The following CDK14 variants were observed in gnomAD, a reference collection of about 807,000 sequenced individuals.
CDK14 encodes the protein cyclin dependent kinase 14, also known as cyclin-dependent kinase 14.
CDK14 carries 34 observed loss-of-function variants against 60.7 expected under a neutral mutation model. The ratio of observed to expected loss-of-function variants is 0.56; its 90% confidence interval spans 0.43 to 0.75. The LOEUF is 0.75. Ranked by LOEUF, CDK14 falls within the 30% of genes least tolerant of loss-of-function variation. The probability of loss-of-function intolerance (pLI) is 0.00; values close to 1 mark genes in which losing one functional copy is unlikely to be tolerated. For synonymous variants in CDK14, 197 were observed against 203.7 expected (o/e 0.97, Z 0.28); for missense variants, 482 against 564.1 (o/e 0.85, Z 1.47).
chr7:90,719,724 A>AT (rs1802378042), intron 2 of CDK14, among the ~76,000 whole-genome samples: 1 of 152,166 alleles, frequency 6.6e-6, no homozygotes, highest in Non-Finnish European at 1.5e-5. Flanking sequence ...TGGAAAAAAA[A>AT]GTTTATTTTG....
intron 10 of CDK14, among the ~76,000 whole-genome samples, chr7:90,992,636 G>A (rs1364478895): frequency 2.0e-5 from 3 of 152,174 alleles, no homozygotes; most frequent in African/African-American, 7.2e-5. Flanking sequence ...ACTGAAGTTT[G>A]TAAGGGCACC....
chr7:91,025,253 G>C (rs919679389), intron 10 of CDK14, among the ~76,000 whole-genome samples: 9 of 152,060 alleles, frequency 5.9e-5, no homozygotes, highest in African/African-American at 2.2e-4. Context: ...GTTGTACCTG[G>C]CACTTTGTTC....
chr7:90,856,570 G>A lies in CDK14; in HGVS notation c.545-6605G>A, dbSNP rs189357726. Reference sequence around the variant, plus strand: ...AGCTGCGTATCAGTGCTCAGCGTACGCACATGTTCTTTCTCTGCTAGACTG... The same window carrying A: ...AGCTGCGTATCAGTGCTCAGCGTACACACATGTTCTTTCTCTGCTAGACTG... On this transcript the variant is annotated intron_variant, in intron 5 of 14. Transcript: ENST00000380050. Among the ~76,000 whole-genome samples the A allele has an allele frequency of 8.5e-5, 13 of 152,246 alleles. No homozygotes were observed. The East Asian group carries it at 1.7e-3, about 20-fold the overall frequency.
At chr7:90,763,644 A>G (rs1804418309) in intron 4 of CDK14, among the ~76,000 whole-genome samples, 1 of 146,362 alleles carries the variant, frequency 6.8e-6, no homozygotes, top group Admixed American at 7.0e-5. Context: ...GGTGGGGAAC[A>G]TCACACACTG....
chr7:90,653,291 A>G (rs1584771348), intron 2 of CDK14, among the ~76,000 whole-genome samples: 3 of 152,206 alleles, frequency 2.0e-5, no homozygotes, highest in African/African-American at 7.2e-5. Context: ...CTCTAAGGCT[A>G]GTAGTTGCTT....
At chr7:90,659,102 T>A (rs1473662655) in intron 2 of CDK14, among the ~76,000 whole-genome samples, 1 of 152,230 alleles carries the variant, frequency 6.6e-6, no homozygotes, top group Non-Finnish European at 1.5e-5. Flanking sequence ...ATTAAAAGAA[T>A]GCATGACAGT....
intron 5 of CDK14, among the ~76,000 whole-genome samples, chr7:90,817,008 T>C (rs1446612090): frequency 6.6e-6 from 1 of 152,184 alleles, no homozygotes. Flanking sequence ...TTAGTTAAAA[T>C]ACAGCTCTCA....
chr7:90,710,481 G>A, intron 2 of CDK14: 1 of 985,054 alleles, frequency 1.0e-6, no homozygotes, highest in Non-Finnish European at 1.2e-6. Context: ...GAGACCTGGG[G>A]CTTCCTCCCT....
chr7:90,751,527 A>G (rs916927243), intron 4 of CDK14, among the ~76,000 whole-genome samples: 1 of 152,214 alleles, frequency 6.6e-6, no homozygotes, highest in Non-Finnish European at 1.5e-5. Context: ...GGTGTTCTAA[A>G]CATGGAAATG....
intron 5 of CDK14, among the ~76,000 whole-genome samples, chr7:90,861,366 T>A (rs1354352528): frequency 6.6e-6 from 1 of 152,110 alleles, no homozygotes; most frequent in Non-Finnish European, 1.5e-5. Flanking sequence ...TTCAAGAGCA[T>A]TAAGAGACAG....
At chr7:90,744,649 C>G (rs1306698456) in intron 3 of CDK14, among the ~76,000 whole-genome samples, 10 of 147,724 alleles carry the variant, frequency 6.8e-5, no homozygotes, top group Non-Finnish European at 1.3e-4. Flanking sequence ...GCTGACCCCC[C>G]CACCTCCCTC....
At chr7:90,840,788 G>A (rs1007279558) in intron 5 of CDK14, among the ~76,000 whole-genome samples, 1 of 152,160 alleles carries the variant, frequency 6.6e-6, no homozygotes, top group Non-Finnish European at 1.5e-5. Context: ...AATAGAAGGT[G>A]ATACAGACTG....
chr7:90,686,728 G>GTT (rs1459881176), intron 2 of CDK14, among the ~76,000 whole-genome samples: 3 of 152,172 alleles, frequency 2.0e-5, no homozygotes, highest in Non-Finnish European at 2.9e-5. Flanking sequence ...TTTTCTAAAA[G>GTT]TAAGATTGGC....
intron 5 of CDK14, among the ~76,000 whole-genome samples, chr7:90,795,206 G>C (rs962391579): frequency 6.6e-6 from 1 of 152,018 alleles, no homozygotes; most frequent in East Asian, 1.9e-4. Flanking sequence ...ATTGTGTTTT[G>C]TTTAAAACTT....
chr7:90,749,282 T>C (rs1411079032), intron 4 of CDK14, among the ~76,000 whole-genome samples: 1 of 151,308 alleles, frequency 6.6e-6, no homozygotes, highest in East Asian at 2.0e-4. Context: ...GAGATCCTGG[T>C]ATAGCAGAGC....
intron 2 of CDK14, among the ~76,000 whole-genome samples, chr7:90,722,398 G>A (rs1052385881): frequency 6.6e-6 from 1 of 151,988 alleles, no homozygotes; most frequent in African/African-American, 2.4e-5. Context: ...TAGAGACAGG[G>A]TTTTTCCACG....
chr7:91,128,999 AC>A (rs1370223697), intron 14 of CDK14, among the ~76,000 whole-genome samples: 1 of 152,158 alleles, frequency 6.6e-6, no homozygotes, highest in Non-Finnish European at 1.5e-5. Flanking sequence ...TAAAAGTCTT[AC>A]TTTCAGTTTT....
chr7:90,665,297 TAAATA>T lies in CDK14; in HGVS notation c.123+61051_123+61055del, dbSNP rs1208158070. ...AGACACTGTCTCATAAATAAATAAATAAATAAATAATAAAAACATAAAAAATAAAA... is the reference window on the plus strand; with the variant it reads ...AGACACTGTCTCATAAATAAATAAATAATAATAAAAACATAAAAAATAAAA... On this transcript the variant is annotated intron_variant, in intron 2 of 14. Transcript: ENST00000380050. Among the ~76,000 whole-genome samples the T allele has an allele frequency of 7.9e-5, 12 of 151,610 alleles. No homozygotes were observed. In the East Asian group the frequency reaches 2.1e-3, roughly 27 times the overall value.
intron 14 of CDK14, among the ~76,000 whole-genome samples, chr7:91,174,102 G>T (rs1399710480): frequency 6.6e-6 from 1 of 152,132 alleles, no homozygotes; most frequent in Non-Finnish European, 1.5e-5. Context: ...GCATGCAGCT[G>T]GAGATCTGAG....
Sources: allele counts gnomAD v4.1 joint callset (sites outside exome capture counted in the v4.1 genomes callset), GRCh38; gene constraint gnomAD v4.1.1; transcripts MANE v1.5; gene names NCBI Gene and HGNC (gene_info 2026-07-23, HGNC 2026-07-21).